Variants in WDHD1 observed in about 807,000 individuals in gnomAD.
The protein encoded by WDHD1 is WD repeat and HMG-box DNA binding protein 1, also known as WD repeat and HMG-box DNA-binding protein 1.
In WDHD1, 111 loss-of-function variants were observed where a neutral mutation model predicts 135.4. The observed-to-expected ratio is 0.82, with a 90% CI of 0.70 to 0.96. The LOEUF (loss-of-function observed/expected upper bound fraction) is 0.96, where lower values mean the gene tolerates loss of function less well. Ranked by LOEUF, WDHD1 falls within the 40% of genes least tolerant of loss-of-function variation. The pLI is 0.00. For missense variants in WDHD1, 1,351 were observed against 1,336.3 expected (o/e 1.01, Z -0.17); for synonymous variants, 434 against 439.0 (o/e 0.99, Z 0.14).
rs546562071 is a variant in WDHD1 at position 54,976,951 on chromosome 14, CTACTGTATAAGATTCCCCTCAG to C, written c.2063+4567_2063+4588del. Among the ~76,000 whole-genome samples, 56 of 152,194 alleles carry C rather than the reference CTACTGTATAAGATTCCCCTCAG, an allele frequency of 3.7e-4. No individual in the cohort carries two copies. The South Asian group carries it at 4.1e-3, about 11-fold the overall frequency. Reference sequence around the variant, plus strand: ...TGTATCTTCTCAGTGCTTCAAATGCCTACTGTATAAGATTCCCCTCAGTAATTCAATTATTCTACAACAAGCT... The same window carrying C: ...TGTATCTTCTCAGTGCTTCAAATGCCTAATTCAATTATTCTACAACAAGCT... On this transcript the variant is annotated intron_variant, in intron 16 of 25. Transcript: ENST00000360586.
chr14:54,989,144 G>C lies in WDHD1; in HGVS notation c.1410C>G (p.Phe470Leu). 1 of 1,613,470 alleles carries C rather than the reference G, an allele frequency of 6.2e-7. No homozygotes were observed. ...TTGCATGGTGTATGGAGGTATCATG[G>C]AACTCCACATCTATGGCATTGTCTT... ...DEQDNAIDVEFHDTSIHHATH... is the reference protein window; with the variant it reads ...DEQDNAIDVELHDTSIHHATH... The change falls in exon 13 of 26, where the codon TTC becomes TTG. Residue 470 changes from phenylalanine to leucine, a missense_variant. Phe to Leu is a conservative substitution (Grantham distance 22, BLOSUM62 0). Transcript: ENST00000360586.
intron 17 of WDHD1, 56 bp from the exon 18 acceptor site, chr14:54,966,662 C>A: frequency 1.3e-6 from 2 of 1,515,770 alleles, no homozygotes; most frequent in Non-Finnish European, 8.8e-7. Context: ...ATGAGGCAAG[C>A]GTTAAATATT....
At chr14:54,987,052 AT>A (rs1356879700) in intron 14 of WDHD1, 93 bp downstream of exon 14, 1 of 1,423,896 alleles carries the variant, frequency 7.0e-7, no homozygotes, top group African/African-American at 1.4e-5. Flanking sequence ...AAAAGGAAGT[AT>A]ATAATCCAAG....
chr14:55,019,796 G>C (rs904588237), intron 2 of WDHD1, among the ~76,000 whole-genome samples: 1 of 152,186 alleles, frequency 6.6e-6, no homozygotes, highest in African/African-American at 2.4e-5. Context: ...TTGAACCCAG[G>C]AGGCAGAGGT....
chr14:54,948,278 G>C (rs2040968861), intron 24 of WDHD1, among the ~76,000 whole-genome samples: 2 of 152,106 alleles, frequency 1.3e-5, no homozygotes, highest in African/African-American at 4.8e-5. Flanking sequence ...GAAGCGCAAG[G>C]GGTCAGAAAA....
At chr14:54,965,462 C>A (rs2041325562) in intron 18 of WDHD1, among the ~76,000 whole-genome samples, 1 of 152,170 alleles carries the variant, frequency 6.6e-6, no homozygotes, top group Non-Finnish European at 1.5e-5. Flanking sequence ...ACAGCCCGAT[C>A]AAAGTTCTTA....
chr14:54,963,705 C>A (rs1453811998), intron 18 of WDHD1, among the ~76,000 whole-genome samples: 3 of 148,702 alleles, frequency 2.0e-5, no homozygotes. Context: ...GAAGCTGAGG[C>A]AGGAGAATCG....
At chr14:54,980,490 T>C (rs1474181423) in intron 16 of WDHD1, among the ~76,000 whole-genome samples, 1 of 151,970 alleles carries the variant, frequency 6.6e-6, no homozygotes, top group Non-Finnish European at 1.5e-5. Flanking sequence ...TCCCAAACTT[T>C]AATGTGCACA....
chr14:54,967,480 A>G (rs1166165185), intron 16 of WDHD1, 86 bp from the exon 17 acceptor site: 23 of 841,422 alleles, frequency 2.7e-5, no homozygotes, highest in Non-Finnish European at 3.8e-5. Context: ...AAAGTTAGTA[A>G]CTTAGAATAG....
intron 9 of WDHD1, 103 bp from the exon 10 acceptor site, chr14:55,000,747 A>G (rs886733643): frequency 9.3e-7 from 1 of 1,076,602 alleles, no homozygotes; most frequent in African/African-American, 1.7e-5. Context: ...GACTTTTGAC[A>G]ATAATTTATA....
chr14:54,967,444 A>C (rs1273983548), intron 16 of WDHD1, 50 bp from the exon 17 acceptor site: 7 of 1,399,516 alleles, frequency 5.0e-6, no homozygotes, highest in Non-Finnish European at 5.9e-6. Context: ...CATGTCATAA[A>C]AACTACAAAA....
chr14:54,952,943 T>C (rs2041086093), intron 24 of WDHD1, among the ~76,000 whole-genome samples: 1 of 152,194 alleles, frequency 6.6e-6, no homozygotes, highest in Non-Finnish European at 1.5e-5. Context: ...TGAAACTGGA[T>C]CCATTCCTCA....
At chr14:55,019,362 A>G (rs1410831338) in intron 2 of WDHD1, among the ~76,000 whole-genome samples, 1 of 152,200 alleles carries the variant, frequency 6.6e-6, no homozygotes, top group African/African-American at 2.4e-5. Flanking sequence ...AGAAAATTAT[A>G]CCTTTGTTTC....
intron 18 of WDHD1, 124 bp downstream of exon 18, chr14:54,966,351 A>G (rs2041344001): frequency 1.6e-6 from 2 of 1,235,906 alleles, no homozygotes; most frequent in Non-Finnish European, 2.1e-6. Context: ...AACAACAACA[A>G]CAACAAAAAA....
At chr14:55,021,167 C>T (rs1325430609) in intron 2 of WDHD1, among the ~76,000 whole-genome samples, 1 of 152,180 alleles carries the variant, frequency 6.6e-6, no homozygotes, top group East Asian at 1.9e-4. Flanking sequence ...CAGTACCAAT[C>T]CTTCTTCCAC....
At chr14:54,944,554 A>G in intron 24 of WDHD1, 84 bp from the exon 25 acceptor site, 4 of 1,335,000 alleles carry the variant, frequency 3.0e-6, no homozygotes, top group Non-Finnish European at 4.0e-6. Flanking sequence ...AATCAACCAT[A>G]AGTCTCTGAC....
At chr14:54,974,966 T>C (rs919617883) in intron 16 of WDHD1, among the ~76,000 whole-genome samples, 2 of 152,234 alleles carry the variant, frequency 1.3e-5, no homozygotes, top group Admixed American at 6.5e-5. Context: ...CACATCTCTT[T>C]TAAAGCACTT....
chr14:54,968,173 G>A (rs2041376049), intron 16 of WDHD1, among the ~76,000 whole-genome samples: 1 of 151,998 alleles, frequency 6.6e-6, no homozygotes, highest in Non-Finnish European at 1.5e-5. Flanking sequence ...TATATTCTGA[G>A]ACCATAGTAA....
chr14:54,977,929 T>G (rs1366904274), intron 16 of WDHD1, among the ~76,000 whole-genome samples: 1 of 145,864 alleles, frequency 6.9e-6, no homozygotes, highest in Non-Finnish European at 1.5e-5. Context: ...AAAAAAAGCA[T>G]GTTAAGAAAA....
Sources: allele counts gnomAD v4.1 joint callset (sites outside exome capture counted in the v4.1 genomes callset), GRCh38; gene constraint gnomAD v4.1.1; transcripts MANE v1.5; gene names NCBI Gene and HGNC (gene_info 2026-07-23, HGNC 2026-07-21).